The following DNM3 variants were observed in gnomAD, a reference collection of about 807,000 sequenced individuals.
DNM3 encodes dynamin-3.
A neutral mutation model predicts 101.6 loss-of-function variants in DNM3; 47 were observed. The observed-to-expected ratio is 0.46, with a 90% CI of 0.37 to 0.59. DNM3 has a LOEUF of 0.59. DNM3 is among the 20% of genes least tolerant of loss of function. The pLI is 0.00. For synonymous variants in DNM3, 385 were observed against 387.9 expected (o/e 0.99, Z 0.09); for missense variants, 849 against 1,085.7 (o/e 0.78, Z 3.06).
intron 1 of DNM3, among the ~76,000 whole-genome samples, chr1:171,916,959 G>A (rs2039761771): frequency 1.3e-5 from 2 of 152,090 alleles, no homozygotes; most frequent in East Asian, 3.9e-4. Context: ...TTTCTTCTCA[G>A]ATATTGTTTC....
At chr1:171,877,969 C>T (rs1558200855) in intron 1 of DNM3, among the ~76,000 whole-genome samples, 2 of 152,200 alleles carry the variant, frequency 1.3e-5, no homozygotes, top group South Asian at 2.1e-4. Flanking sequence ...TGTATTGCTT[C>T]GTTGACTCAT....
chr1:172,341,283 A>G (rs1328241670), intron 17 of DNM3, among the ~76,000 whole-genome samples: 2 of 152,236 alleles, frequency 1.3e-5, no homozygotes, highest in Non-Finnish European at 2.9e-5. Flanking sequence ...GATAGGAATA[A>G]TCAATATCAT....
In DNM3 at chr1:171,904,841, G is replaced by T. The variant is rs183480147; in HGVS notation, c.162-16907G>T. Among the ~76,000 whole-genome samples the T allele has an allele frequency of 4.3e-4, 66 of 152,214 alleles. No individual in the cohort carries two copies. The East Asian group carries it at 0.011, about 26-fold the overall frequency. On this transcript the variant is annotated intron_variant, in intron 1 of 20. Transcript: ENST00000627582. The stretch of plus-strand genomic sequence containing the variant: ...GAGGCTGAGGGAGGGTGGCATGGAG[G>T]GTAAGCAGTGAATGCTGCCAGTGGA...
chr1:172,070,722 A>G (rs1031903373), intron 11 of DNM3, among the ~76,000 whole-genome samples: 1 of 152,056 alleles, frequency 6.6e-6, no homozygotes, highest in Middle Eastern at 3.4e-3. Flanking sequence ...TTACACTTCA[A>G]TTTTCGCATC....
At chr1:172,024,295 A>C (rs2048044338) in intron 4 of DNM3, among the ~76,000 whole-genome samples, 1 of 152,192 alleles carries the variant, frequency 6.6e-6, no homozygotes, top group Admixed American at 6.5e-5. Context: ...AAAACTGTTA[A>C]TTTTATAAGA....
intron 2 of DNM3, among the ~76,000 whole-genome samples, chr1:171,922,833 G>A (rs1468285127): frequency 3.3e-5 from 5 of 152,144 alleles, no homozygotes; most frequent in Admixed American, 1.3e-4. Flanking sequence ...TTCTTGCTTG[G>A]CATAATCTTT....
At chr1:172,043,363 C>T (rs1195005682) in intron 8 of DNM3, among the ~76,000 whole-genome samples, 1 of 152,058 alleles carries the variant, frequency 6.6e-6, no homozygotes, top group Non-Finnish European at 1.5e-5. Context: ...GTAAAATGCC[C>T]AATAGGCAGT....
intron 14 of DNM3, among the ~76,000 whole-genome samples, chr1:172,146,818 G>T (rs1241015194): frequency 6.6e-6 from 1 of 152,008 alleles, no homozygotes; most frequent in Non-Finnish European, 1.5e-5. Flanking sequence ...ACATGCCTTG[G>T]AAATTTTTGT....
At position 171,917,795 on chromosome 1, in the gene DNM3, G is replaced by A. The variant is rs2039835456; in HGVS notation, c.162-3953G>A. ...TAGAAAATAAATTTAAAAATATGTAGTCTAAATCCAAAGTAATGCTAAAGG... is the reference window on the plus strand; with the variant it reads ...TAGAAAATAAATTTAAAAATATGTAATCTAAATCCAAAGTAATGCTAAAGG... On this transcript the variant is annotated intron_variant, in intron 1 of 20. Transcript: ENST00000627582. Among the ~76,000 whole-genome samples, 3 of 152,098 alleles carry A rather than the reference G, an allele frequency of 2.0e-5. No homozygotes were observed. In the South Asian group the frequency reaches 6.2e-4, roughly 31 times the overall value.
In DNM3 at chr1:172,401,870, TAAG is replaced by T. The variant is rs773330547; in HGVS notation, c.2523-5898_2523-5896del. On this transcript the variant is annotated intron_variant, in intron 20 of 20. Coordinates refer to ENST00000627582, the MANE Select transcript of DNM3 (RefSeq NM_015569.5). The stretch of plus-strand genomic sequence containing the variant: ...TCTGACTTTAAATAAATGCCCAAAA[TAAG>T]AAGTAGAGTGCAAATACATCGCTGA... Among the ~76,000 whole-genome samples, 89 of 152,098 alleles carry T rather than the reference TAAG, an allele frequency of 5.9e-4. 1 individual carries two copies. Among genetic ancestry groups the T allele is most frequent in the Non-Finnish European group, 2.1e-4 (14 of 67,994 alleles).
At chr1:172,365,677 CT>C (rs1221935350) in intron 17 of DNM3, among the ~76,000 whole-genome samples, 1 of 151,668 alleles carries the variant, frequency 6.6e-6, no homozygotes, top group Admixed American at 6.6e-5. Context: ...ATCCATAAAC[CT>C]CAAGGTGAGA....
intron 2 of DNM3, among the ~76,000 whole-genome samples, chr1:171,986,627 A>T (rs1293246929): frequency 6.9e-6 from 1 of 144,966 alleles, no homozygotes. Context: ...TAATTGCCAC[A>T]TCTGGCTTTT....
chr1:172,031,156 T>G (rs1262752060), intron 4 of DNM3, among the ~76,000 whole-genome samples: 3 of 152,126 alleles, frequency 2.0e-5, no homozygotes, highest in African/African-American at 7.2e-5. Context: ...CCAACCCAAA[T>G]GGCCATCAGT....
intron 14 of DNM3, among the ~76,000 whole-genome samples, chr1:172,171,082 A>C (rs2058940567): frequency 6.6e-6 from 1 of 151,674 alleles, no homozygotes; most frequent in Non-Finnish European, 1.5e-5. Flanking sequence ...ACTTCTGAGA[A>C]ATAGAGATTG....
chr1:172,084,602 G>T (rs956597707), intron 12 of DNM3, among the ~76,000 whole-genome samples: 6 of 151,988 alleles, frequency 3.9e-5, no homozygotes, highest in African/African-American at 1.4e-4. Flanking sequence ...TATTTTTTGT[G>T]CTTTTAAAAA....
chr1:172,232,439 G>A (rs1399796225), intron 14 of DNM3, among the ~76,000 whole-genome samples: 1 of 151,962 alleles, frequency 6.6e-6, no homozygotes, highest in Non-Finnish European at 1.5e-5. Context: ...AATAATAATG[G>A]GAGACTTTAA....
chr1:172,242,721 G>A (rs2061795339), intron 14 of DNM3, among the ~76,000 whole-genome samples: 1 of 152,190 alleles, frequency 6.6e-6, no homozygotes, highest in African/African-American at 2.4e-5. Context: ...GGGATTACAG[G>A]CATGAGCTCC....
chr1:172,246,404 A>T (rs1449175622), intron 14 of DNM3, among the ~76,000 whole-genome samples: 1 of 152,088 alleles, frequency 6.6e-6, no homozygotes, highest in Non-Finnish European at 1.5e-5. Flanking sequence ...GATTCTACTG[A>T]TTAAAAAAAT....
chr1:171,859,027 A>C (rs1271123895), intron 1 of DNM3, among the ~76,000 whole-genome samples: 1 of 152,140 alleles, frequency 6.6e-6, no homozygotes, highest in African/African-American at 2.4e-5. Flanking sequence ...ATTAAATCAC[A>C]TCACTGTCAT....
Sources: allele counts gnomAD v4.1 joint callset (sites outside exome capture counted in the v4.1 genomes callset), GRCh38; gene constraint gnomAD v4.1.1; transcripts MANE v1.5; gene names NCBI Gene and HGNC (gene_info 2026-07-23, HGNC 2026-07-21).